TRDN: variants seen among roughly 807,000 people sequenced by gnomAD.
The protein encoded by TRDN is triadin in skeletal muscle.
A neutral mutation model predicts 149.7 loss-of-function variants in TRDN; 161 were observed. The ratio of observed to expected loss-of-function variants is 1.08; its 90% CI spans 0.95 to 1.23. TRDN has a LOEUF of 1.23. Among genes scored for constraint, TRDN ranks in the 50% most tolerant of loss-of-function variants. The pLI is 0.00. For missense variants in TRDN, 896 were observed against 823.5 expected, an observed-to-expected ratio of 1.09 and a Z score of -1.08; for synonymous variants, 294 against 250.5, an observed-to-expected ratio of 1.17 and a Z score of -1.64.
At chr6:123,577,694 T>C (rs1369284833) in intron 1 of TRDN, among the ~76,000 whole-genome samples, 4 of 152,206 alleles carry the variant, frequency 2.6e-5, no homozygotes, top group Non-Finnish European at 5.9e-5. Flanking sequence ...GTTCTGTTTT[T>C]AGTTCTTTGA....
At chr6:123,557,224 G>A (rs1194283194) in intron 2 of TRDN, among the ~76,000 whole-genome samples, 3 of 152,140 alleles carry the variant, frequency 2.0e-5, no homozygotes, top group Non-Finnish European at 4.4e-5. Context: ...CTCAAAGCCT[G>A]TTTGGTGGTC....
intron 38 of TRDN, among the ~76,000 whole-genome samples, chr6:123,231,442 G>T (rs1305252294): frequency 6.6e-6 from 1 of 151,968 alleles, no homozygotes; most frequent in Non-Finnish European, 1.5e-5. Flanking sequence ...GAATTGTTCA[G>T]GAAAAGAGAA....
chr6:123,219,880 A>T (rs1775083883), intron 40 of TRDN, among the ~76,000 whole-genome samples: 1 of 151,858 alleles, frequency 6.6e-6, no homozygotes, highest in Non-Finnish European at 1.5e-5. Flanking sequence ...ATGGAAATCC[A>T]TTGCTAAAAG....
At chr6:123,414,301 A>T (rs1283498396) in intron 12 of TRDN, among the ~76,000 whole-genome samples, 1 of 152,116 alleles carries the variant, frequency 6.6e-6, no homozygotes, top group South Asian at 2.1e-4. Context: ...TGTCATTAAA[A>T]CACAGAATAA....
Position 123,265,317 on chromosome 6 carries a change from C to T in TRDN, c.1804+1G>A. Reference sequence around the variant, plus strand: ...TTAAAATTCTAAAATGGTACACTTACTTGGAGTTGGTTTTGGTTTGTCTAA... The same window carrying T: ...TTAAAATTCTAAAATGGTACACTTATTTGGAGTTGGTTTTGGTTTGTCTAA... On this transcript the variant is annotated splice_donor_variant, in intron 33 of 40. Coordinates refer to ENST00000334268, the MANE Select transcript of TRDN (RefSeq NM_006073.4). LOFTEE classifies it high-confidence loss of function. 1 of 1,413,040 alleles carries T rather than the reference C, an allele frequency of 7.1e-7. No homozygotes were observed. The highest frequency in any genetic ancestry group is 9.4e-7 in the Non-Finnish European group (1 of 1,059,474). The allele number at this position is 1,413,040 out of a possible 1,614,324, so 87.5% of individuals were successfully genotyped here.
intron 38 of TRDN, among the ~76,000 whole-genome samples, chr6:123,243,193 G>T (rs1264670024): frequency 2.6e-5 from 4 of 152,016 alleles, no homozygotes; most frequent in Non-Finnish European, 5.9e-5. Flanking sequence ...TTAGTGGCAG[G>T]CCCACAGCTG....
intron 32 of TRDN, among the ~76,000 whole-genome samples, 186 bp downstream of exon 32, chr6:123,267,521 G>A (rs376444483): frequency 6.6e-6 from 1 of 151,998 alleles, no homozygotes; most frequent in East Asian, 1.9e-4. Context: ...TGCATGTTTG[G>A]CAATCTATGT....
intron 12 of TRDN, among the ~76,000 whole-genome samples, chr6:123,394,853 T>A (rs943632953): frequency 2.0e-5 from 3 of 152,152 alleles, no homozygotes; most frequent in Non-Finnish European, 2.9e-5. Context: ...GATATTTACA[T>A]AATTAATTTT....
intron 16 of TRDN, 78 bp downstream of exon 16, chr6:123,381,292 G>T: frequency 4.6e-6 from 6 of 1,311,844 alleles, no homozygotes; most frequent in South Asian, 4.1e-5. Context: ...ATTCAAAATT[G>T]CAGGTCTAAA....
intron 1 of TRDN, among the ~76,000 whole-genome samples, chr6:123,623,852 T>C (rs1163702892): frequency 6.6e-6 from 1 of 152,152 alleles, no homozygotes; most frequent in African/African-American, 2.4e-5. Context: ...CATCAGTTGA[T>C]TTGCTTATTT....
At chr6:123,337,782 G>C in intron 21 of TRDN, 113 bp from the exon 22 acceptor site, 1 of 554,634 alleles carries the variant, frequency 1.8e-6, no homozygotes, top group South Asian at 2.3e-5. Flanking sequence ...CATCTGAGTT[G>C]ATATTCACAA....
intron 9 of TRDN, chr6:123,469,814 CAG>C (rs1297731261): frequency 6.6e-6 from 1 of 152,400 alleles, no homozygotes; most frequent in African/African-American, 2.4e-5. Context: ...CGTAGAGAGA[CAG>C]AGATTCAATG....
intron 32 of TRDN, among the ~76,000 whole-genome samples, chr6:123,265,546 T>C (rs908289245): frequency 4.6e-5 from 7 of 151,338 alleles, no homozygotes; most frequent in South Asian, 2.1e-4. Context: ...AGCCTGAAAG[T>C]ATGGAATCTT....
chr6:123,400,380 G>T (rs1772915909), intron 12 of TRDN, among the ~76,000 whole-genome samples: 1 of 151,960 alleles, frequency 6.6e-6, no homozygotes, highest in Admixed American at 6.6e-5. Flanking sequence ...CACAGGGACA[G>T]TGGGGGATGG....
intron 12 of TRDN, among the ~76,000 whole-genome samples, chr6:123,427,685 C>G (rs184521516): frequency 2.0e-5 from 3 of 152,264 alleles, no homozygotes; most frequent in African/African-American, 7.2e-5. Flanking sequence ...AAGTTAGAAA[C>G]ATGGCTTTGA....
Position 123,464,863 on chromosome 6 carries a change from T to A in TRDN, c.931+43A>T, listed in dbSNP as rs749908557. ...TTGTTGCTGTTCCTCTACATTCTAT[T>A]TTATCTACAATAGAGATCTTTAAGA... is the stretch of plus-strand genomic sequence containing the variant. On this transcript the variant is annotated intron_variant, in intron 10 of 40. Coordinates refer to ENST00000334268, the MANE Select transcript of TRDN (RefSeq NM_006073.4). 8.4e-6 allele frequency: 13 copies of A among 1,548,592 alleles called. No individual in the cohort carries two copies. The South Asian group carries it at 1.6e-4, about 19-fold the overall frequency.
chr6:123,581,381 G>A (rs1783112623), intron 1 of TRDN, among the ~76,000 whole-genome samples: 1 of 152,006 alleles, frequency 6.6e-6, no homozygotes, highest in African/African-American at 2.4e-5. Context: ...ATAGATCTTT[G>A]TTCTTCAACA....
At chr6:123,452,625 T>G (rs558845389) in intron 10 of TRDN, among the ~76,000 whole-genome samples, 1 of 152,084 alleles carries the variant, frequency 6.6e-6, no homozygotes, top group East Asian at 1.9e-4. Context: ...TGGAAACACA[T>G]CCCACGCTTA....
At chr6:123,533,805 C>A (rs533116091) in intron 4 of TRDN, among the ~76,000 whole-genome samples, 1 of 152,064 alleles carries the variant, frequency 6.6e-6, no homozygotes, top group African/African-American at 2.4e-5. Flanking sequence ...GGAGGTAACT[C>A]TAAAGTGAAA....
Sources: allele counts gnomAD v4.1 joint callset (sites outside exome capture counted in the v4.1 genomes callset), GRCh38; gene constraint gnomAD v4.1.1; transcripts MANE v1.5; gene names NCBI Gene and HGNC (gene_info 2026-07-23, HGNC 2026-07-21).